SUMF1: variants seen among roughly 807,000 people sequenced by gnomAD.
The protein encoded by SUMF1 is formylglycine-generating enzyme.
SUMF1 carries 48 observed loss-of-function variants against 47.6 expected under a neutral mutation model. That is an observed-to-expected ratio of 1.01 (90% confidence interval 0.80 to 1.28). The LOEUF is 1.28. SUMF1 is among the 50% of genes most tolerant of loss of function. The pLI, the probability that SUMF1 is intolerant of heterozygous loss-of-function variation, is 0.00. For synonymous variants in SUMF1, 230 were observed against 192.1 expected, an observed-to-expected ratio of 1.20 and a Z score of -1.63; for missense variants, 571 against 485.4, an observed-to-expected ratio of 1.18 and a Z score of -1.66.
intron 6 of SUMF1, among the ~76,000 whole-genome samples, chr3:4,416,603 T>G (rs1701721048): frequency 6.6e-6 from 1 of 152,246 alleles, no homozygotes; most frequent in Non-Finnish European, 1.5e-5. Flanking sequence ...TGTGCCGCTT[T>G]CCAGCTGTGT....
downstream of SUMF1, among the ~76,000 whole-genome samples, chr3:4,358,749 C>T (rs1699677585): frequency 6.6e-6 from 1 of 152,192 alleles, no homozygotes; most frequent in South Asian, 2.1e-4. Flanking sequence ...GCTGCAAAGA[C>T]ACTGCCCACC....
intron 8 of SUMF1, among the ~76,000 whole-genome samples, chr3:4,161,426 C>T (rs1694574193): frequency 6.6e-6 from 1 of 152,120 alleles, no homozygotes; most frequent in African/African-American, 2.4e-5. Context: ...TCCAGAGATG[C>T]AGTCTGGTAG....
intron 7 of SUMF1, among the ~76,000 whole-genome samples, chr3:4,389,666 C>G (rs1700790631): frequency 6.6e-6 from 1 of 152,286 alleles, no homozygotes; most frequent in Admixed American, 6.5e-5. Context: ...TGTTTTCTTT[C>G]CACTGCTCAG....
chr3:4,465,896 T>C (rs1429955932), intron 1 of SUMF1, among the ~76,000 whole-genome samples: 1 of 152,196 alleles, frequency 6.6e-6, no homozygotes, highest in Non-Finnish European at 1.5e-5. Context: ...TAAAACCTAC[T>C]GTGGATGTTA....
intron 8 of SUMF1, among the ~76,000 whole-genome samples, chr3:4,120,848 T>C (rs1371731141): frequency 6.6e-6 from 1 of 152,178 alleles, no homozygotes; most frequent in Non-Finnish European, 1.5e-5. Context: ...GGTTCCACAA[T>C]TTACTAACTG....
chr3:4,056,178 T>A (rs1413424651), intron 9 of SUMF1, among the ~76,000 whole-genome samples: 1 of 152,170 alleles, frequency 6.6e-6, no homozygotes, highest in Non-Finnish European at 1.5e-5. Flanking sequence ...TTTCTGGGAT[T>A]GGGATGTAGA....
intron 8 of SUMF1, among the ~76,000 whole-genome samples, chr3:4,300,241 A>T (rs1697935665): frequency 6.6e-6 from 1 of 152,190 alleles, no homozygotes; most frequent in Non-Finnish European, 1.5e-5. Flanking sequence ...TGCTTTGACC[A>T]TGTGAGATGC....
chr3:4,131,172 C>A (rs539506756), intron 8 of SUMF1, among the ~76,000 whole-genome samples: 2 of 152,108 alleles, frequency 1.3e-5, no homozygotes, highest in Non-Finnish European at 2.9e-5. Context: ...GTTTTCTGAC[C>A]CATCTAGCCA....
chr3:4,456,240 G>A (rs964690996), intron 1 of SUMF1, among the ~76,000 whole-genome samples: 1 of 152,040 alleles, frequency 6.6e-6, no homozygotes, highest in Non-Finnish European at 1.5e-5. Flanking sequence ...TATATGAAAA[G>A]CCCACAGCTA....
intron 9 of SUMF1, among the ~76,000 whole-genome samples, chr3:4,039,613 AGTCT>A (rs1694872200): frequency 6.8e-6 from 1 of 147,690 alleles, no homozygotes; most frequent in African/African-American, 2.7e-5. Context: ...TTCTTAATCC[AGTCT>A]ATCATTGTTG....
chr3:4,114,989 T>C (rs1008826585), intron 8 of SUMF1, among the ~76,000 whole-genome samples: 3 of 151,798 alleles, frequency 2.0e-5, no homozygotes, highest in Admixed American at 1.3e-4. Context: ...CCCACGGAAC[T>C]AGGTGAGGAC....
intron 3 of SUMF1, among the ~76,000 whole-genome samples, chr3:4,423,564 G>C (rs1168559470): frequency 2.6e-5 from 4 of 152,150 alleles, no homozygotes; most frequent in African/African-American, 9.7e-5. Flanking sequence ...CTGATTCTTG[G>C]AGGGGATCTA....
intron 8 of SUMF1, among the ~76,000 whole-genome samples, chr3:4,107,980 G>C (rs1448417151): frequency 6.6e-6 from 1 of 152,076 alleles, no homozygotes. Flanking sequence ...GGTCAGGAAA[G>C]AGATGGAAAC....
At chr3:4,243,264 C>A (rs1420853289) in intron 8 of SUMF1, among the ~76,000 whole-genome samples, 2 of 152,182 alleles carry the variant, frequency 1.3e-5, no homozygotes, top group Non-Finnish European at 2.9e-5. Flanking sequence ...CTACCTCCTT[C>A]AGTTTTGCTC....
intron 8 of SUMF1, among the ~76,000 whole-genome samples, chr3:4,239,058 C>G (rs1696477794): frequency 6.6e-6 from 1 of 152,002 alleles, no homozygotes; most frequent in African/African-American, 2.4e-5. Flanking sequence ...TTGTTTTTGC[C>G]AGGTTTGTCA....
At chr3:4,070,421 G>A (rs912437748) in intron 8 of SUMF1, among the ~76,000 whole-genome samples, 1 of 152,066 alleles carries the variant, frequency 6.6e-6, no homozygotes, top group Non-Finnish European at 1.5e-5. Context: ...AAGCCACAAC[G>A]TCTCTTTGAA....
intron 8 of SUMF1, among the ~76,000 whole-genome samples, chr3:4,270,258 G>A (rs889454641): frequency 3.3e-5 from 5 of 152,116 alleles, no homozygotes; most frequent in African/African-American, 1.2e-4. Context: ...AAGCACTGAA[G>A]TAATACTGAC....
chr3:4,292,518 G>A (rs920617720), intron 8 of SUMF1, among the ~76,000 whole-genome samples: 2 of 152,198 alleles, frequency 1.3e-5, no homozygotes, highest in South Asian at 2.1e-4. Flanking sequence ...TATTCACCTC[G>A]TGGTCTATTC....
intron 8 of SUMF1, among the ~76,000 whole-genome samples, chr3:4,111,275 T>C (rs1559480091): frequency 6.6e-6 from 1 of 152,056 alleles, no homozygotes; most frequent in Non-Finnish European, 1.5e-5. Flanking sequence ...TTTCAATCCA[T>C]GATTGGTTGA....
Sources: gnomAD v4.1 joint callset for allele counts (sites outside exome capture counted in the v4.1 genomes callset) on GRCh38, gnomAD v4.1.1 for gene constraint, MANE v1.5 for transcripts, NCBI Gene and HGNC (gene_info 2026-07-23, HGNC 2026-07-21) for gene names.